ANO10: variants seen among roughly 807,000 people sequenced by gnomAD.
ANO10 encodes the protein anoctamin 10.
A neutral mutation model predicts 74.7 loss-of-function variants in ANO10; 77 were observed. The observed-to-expected ratio is 1.03, with a 90% confidence interval of 0.86 to 1.25. ANO10 has a LOEUF of 1.25. Ranked by LOEUF, ANO10 falls within the 50% of genes most tolerant of loss-of-function variation. The probability of loss-of-function intolerance (pLI) is 0.00; values close to 1 mark genes in which losing one functional copy is unlikely to be tolerated. For synonymous variants in ANO10, 279 were observed against 284.9 expected, an observed-to-expected ratio of 0.98 and a Z score of 0.21; for missense variants, 721 against 778.1, an observed-to-expected ratio of 0.93 and a Z score of 0.87.
At chr3:43,578,777 A>AAAAAAAAAAAAAT (rs2081131640) in intron 5 of ANO10, among the ~76,000 whole-genome samples, 1 of 150,492 alleles carries the variant, frequency 6.6e-6, no homozygotes, top group Non-Finnish European at 1.5e-5. Flanking sequence ...AAAAAAAAAA[A>AAAAAAAAAAAAAT]AGGAGTAGCT....
At chr3:43,679,862 G>C (rs1221490925) in intron 1 of ANO10, among the ~76,000 whole-genome samples, 2 of 152,196 alleles carry the variant, frequency 1.3e-5, no homozygotes, top group African/African-American at 2.4e-5. Flanking sequence ...AACTCCAACA[G>C]ACCTGCAGCT....
At position 43,382,763 on chromosome 3, in the gene ANO10, TA is replaced by T. The variant is rs2092004779; in HGVS notation, c.1915-15790del. ...TATGAACACCTTTATGTGCATAAAC[TA>T]GGAAACCTAGAGGAGACAGGTAAAT... On this transcript the variant is annotated intron_variant, in intron 12 of 12. Transcript: ENST00000292246. 2.6e-5 allele frequency among the ~76,000 whole-genome samples: 4 copies of T among 152,250 alleles called. No individual in the cohort carries two copies. The South Asian group carries it at 8.3e-4, about 32-fold the overall frequency.
At chr3:43,545,031 T>C (rs1221516237) in intron 11 of ANO10, among the ~76,000 whole-genome samples, 1 of 151,420 alleles carries the variant, frequency 6.6e-6, no homozygotes, top group East Asian at 1.9e-4. Context: ...GGTTAATTAA[T>C]TTGGAAAAAA....
chr3:43,386,969 T>C (rs1037161825), intron 12 of ANO10, among the ~76,000 whole-genome samples: 7 of 152,130 alleles, frequency 4.6e-5, no homozygotes, highest in Non-Finnish European at 1.0e-4. Context: ...CCTGATGTGG[T>C]TGTTTTCTTC....
chr3:43,487,693 CTT>C (rs1220397794), intron 11 of ANO10, among the ~76,000 whole-genome samples: 1 of 152,104 alleles, frequency 6.6e-6, no homozygotes, highest in Non-Finnish European at 1.5e-5. Flanking sequence ...ATTCTTCTCT[CTT>C]TTTTTCTTTA....
intron 12 of ANO10, among the ~76,000 whole-genome samples, chr3:43,406,110 C>T (rs1216085617): frequency 6.6e-6 from 1 of 152,114 alleles, no homozygotes; most frequent in Non-Finnish European, 1.5e-5. Flanking sequence ...TAGACATGTC[C>T]ACAATTCACA....
At chr3:43,630,879 A>G (rs2083538918) in intron 1 of ANO10, among the ~76,000 whole-genome samples, 1 of 150,912 alleles carries the variant, frequency 6.6e-6, no homozygotes, top group Non-Finnish European at 1.5e-5. Context: ...TATTTCTTTG[A>G]TGCCTTTTTT....
At chr3:43,642,591 A>G (rs1175847925) in intron 1 of ANO10, among the ~76,000 whole-genome samples, 1 of 152,118 alleles carries the variant, frequency 6.6e-6, no homozygotes, top group East Asian at 1.9e-4. Flanking sequence ...TAAAACATTT[A>G]TGTGGTCCCA....
chr3:43,634,838 A>G (rs1329058900), intron 1 of ANO10, among the ~76,000 whole-genome samples: 2 of 152,176 alleles, frequency 1.3e-5, no homozygotes, highest in African/African-American at 4.8e-5. Context: ...ACTTGAAGCT[A>G]GAGGGCCTCG....
At chr3:43,607,330 TGTCTA>T (rs2082609121) in intron 1 of ANO10, among the ~76,000 whole-genome samples, 3 of 148,030 alleles carry the variant, frequency 2.0e-5, no homozygotes, top group Non-Finnish European at 4.4e-5. Flanking sequence ...AGCAAGACCC[TGTCTA>T]AAAAAAAAAA....
chr3:43,652,821 A>T (rs1237489343), intron 1 of ANO10: 2 of 152,034 alleles, frequency 1.3e-5, no homozygotes, highest in Non-Finnish European at 2.9e-5. Flanking sequence ...TAATTTCTAT[A>T]TTAAAAATAC....
intron 4 of ANO10, among the ~76,000 whole-genome samples, chr3:43,585,092 T>C (rs2081418593): frequency 6.6e-6 from 1 of 152,198 alleles, no homozygotes; most frequent in Admixed American, 6.5e-5. Flanking sequence ...TGAAAATAGG[T>C]CATAGTTTTA....
chr3:43,371,309 G>A (rs1280618943), intron 12 of ANO10, among the ~76,000 whole-genome samples: 1 of 152,128 alleles, frequency 6.6e-6, no homozygotes, highest in Non-Finnish European at 1.5e-5. Flanking sequence ...GCAGTGGCTG[G>A]GATACAGCCA....
At chr3:43,524,287 T>TACACA (rs2078091295) in intron 11 of ANO10, among the ~76,000 whole-genome samples, 15 of 152,290 alleles carry the variant, frequency 9.8e-5, no homozygotes, top group Admixed American at 9.8e-4. Flanking sequence ...ACAAGCATTG[T>TACACA]GCTTGGTTGG....
rs2078795537 is a variant in ANO10 at position 43,538,101 on chromosome 3, A to G, written c.1797+11619T>C. ...AAAATACATAAATGTCTATGATACT[A>G]AAAAATGATAGTTAGACCTGGCCCT... On this transcript the variant is annotated intron_variant, in intron 11 of 12. Transcript: ENST00000292246. Among the ~76,000 whole-genome samples the G allele has an allele frequency of 2.0e-5, 3 of 152,240 alleles. No homozygotes were observed. The South Asian group carries it at 6.2e-4, about 32-fold the overall frequency.
chr3:43,656,036 A>T (rs573971971), intron 1 of ANO10, among the ~76,000 whole-genome samples: 2 of 116,532 alleles, frequency 1.7e-5, no homozygotes, highest in East Asian at 5.5e-4. Context: ...AGCTAGATAC[A>T]GTGTCCATTG....
intron 11 of ANO10, among the ~76,000 whole-genome samples, chr3:43,544,790 C>G (rs541668041): frequency 2.7e-4 from 23 of 84,808 alleles, no homozygotes; most frequent in African/African-American, 1.1e-3. Flanking sequence ...AAGACTCTGT[C>G]TGAAATAAAA....
chr3:43,420,039 A>T (rs1015299739), intron 12 of ANO10, among the ~76,000 whole-genome samples: 1 of 152,240 alleles, frequency 6.6e-6, no homozygotes, highest in Non-Finnish European at 1.5e-5. Flanking sequence ...TTACTTTAAA[A>T]GTCTAAATTT....
chr3:43,492,492 A>G lies in ANO10; in HGVS notation c.1797+57228T>C, dbSNP rs188469910. Among the ~76,000 whole-genome samples the G allele has an allele frequency of 1.8e-4, 28 of 152,328 alleles. No individual in the cohort carries two copies. In the East Asian group the frequency reaches 5.4e-3, roughly 29 times the overall value. On this transcript the variant is annotated intron_variant, in intron 11 of 12. Coordinates refer to ENST00000292246, the MANE Select transcript of ANO10 (RefSeq NM_018075.5). ...GCACAGCAAAATAAACTATCATCAG[A>G]GTCAACACGCAACCTACAGAATGGG...
Sources: gnomAD v4.1 joint callset for allele counts (sites outside exome capture counted in the v4.1 genomes callset) on GRCh38, gnomAD v4.1.1 for gene constraint, MANE v1.5 for transcripts, NCBI Gene and HGNC (gene_info 2026-07-23, HGNC 2026-07-21) for gene names.